The following TENM2 variants were observed in gnomAD, a reference collection of about 807,000 sequenced individuals.
TENM2 encodes the protein teneurin-2.
A neutral mutation model predicts 245.2 loss-of-function variants in TENM2; 52 were observed. That is an observed-to-expected ratio of 0.21 (90% CI 0.17 to 0.27). The LOEUF (loss-of-function observed/expected upper bound fraction) is 0.27, where lower values mean the gene tolerates loss of function less well. TENM2 is among the 10% of genes least tolerant of loss of function. TENM2 has a pLI of 1.00. For synonymous variants in TENM2, 1,363 were observed against 1,438.9 expected (o/e 0.95, Z 1.19); for missense variants, 3,046 against 3,666.8 (o/e 0.83, Z 4.37).
intron 10 of TENM2, among the ~76,000 whole-genome samples, chr5:168,121,827 T>G (rs899064570): frequency 1.3e-5 from 2 of 152,220 alleles, no homozygotes; most frequent in Admixed American, 6.5e-5. Flanking sequence ...GATATTTTTG[T>G]GTATATTTTG....
intron 2 of TENM2, among the ~76,000 whole-genome samples, chr5:167,583,149 A>G (rs1458166987): frequency 6.6e-6 from 1 of 152,182 alleles, no homozygotes; most frequent in Admixed American, 6.6e-5. Flanking sequence ...TTATGCAAGA[A>G]AAAACAGCAC....
chr5:167,588,279 A>G (rs1454864230), intron 2 of TENM2, among the ~76,000 whole-genome samples: 2 of 152,260 alleles, frequency 1.3e-5, no homozygotes, highest in African/African-American at 4.8e-5. Context: ...TATGGCTAAT[A>G]GGCTAAGCCT....
chr5:167,992,488 G>A (rs955506251), intron 4 of TENM2, among the ~76,000 whole-genome samples: 1 of 152,130 alleles, frequency 6.6e-6, no homozygotes, highest in Non-Finnish European at 1.5e-5. Flanking sequence ...TGTATGTATA[G>A]CACATTATCT....
chr5:167,986,249 T>C (rs931142125), intron 4 of TENM2, among the ~76,000 whole-genome samples: 5 of 152,198 alleles, frequency 3.3e-5, no homozygotes, highest in African/African-American at 1.2e-4. Context: ...TTTTATTAAA[T>C]GGTTTTGTTT....
At chr5:167,581,648 A>C (rs1230304087) in intron 2 of TENM2, among the ~76,000 whole-genome samples, 1 of 152,134 alleles carries the variant, frequency 6.6e-6, no homozygotes, top group Non-Finnish European at 1.5e-5. Flanking sequence ...ATCTTTATCT[A>C]TATCTATTTC....
At chr5:167,273,835 GA>G in the TENM2 span, among the ~76,000 whole-genome samples, 2 of 152,042 alleles carry the variant, frequency 1.3e-5, no homozygotes, top group African/African-American at 4.8e-5. Flanking sequence ...AATTGTAAAT[GA>G]CCTTCCAAAT....
At chr5:167,331,261 A>C (rs535431413) in intron 1 of TENM2, among the ~76,000 whole-genome samples, 2 of 151,520 alleles carry the variant, frequency 1.3e-5, no homozygotes, top group Non-Finnish European at 2.9e-5. Context: ...AAAGACAAGA[A>C]AAAAGAAAGA....
the TENM2 span, among the ~76,000 whole-genome samples, chr5:167,226,143 C>T: frequency 6.6e-6 from 1 of 151,804 alleles, no homozygotes; most frequent in Non-Finnish European, 1.5e-5. Context: ...TTTTTAGTCT[C>T]TATTTTGATT....
intron 2 of TENM2, among the ~76,000 whole-genome samples, chr5:167,823,077 T>C (rs1767667443): frequency 6.6e-6 from 1 of 152,178 alleles, no homozygotes; most frequent in Non-Finnish European, 1.5e-5. Context: ...TTGTACTGCA[T>C]CGCTTGCCAG....
chr5:167,150,549 A>C, the TENM2 span, among the ~76,000 whole-genome samples: 1 of 152,176 alleles, frequency 6.6e-6, no homozygotes, highest in Non-Finnish European at 1.5e-5. Flanking sequence ...AATAGCTAAC[A>C]CTCACATAGT....
At chr5:167,388,469 T>C (rs1367987182) in intron 2 of TENM2, among the ~76,000 whole-genome samples, 1 of 152,120 alleles carries the variant, frequency 6.6e-6, no homozygotes, top group Non-Finnish European at 1.5e-5. Context: ...TTTTGTTTCA[T>C]TTATCTTTTG....
At chr5:167,828,162 T>C (rs543946350) in intron 2 of TENM2, among the ~76,000 whole-genome samples, 1 of 152,300 alleles carries the variant, frequency 6.6e-6, no homozygotes, top group African/African-American at 2.4e-5. Flanking sequence ...ATCATCACCG[T>C]TTTACAGATG....
At chr5:167,853,303 A>AAAAAAAAAAAAAAAAAAAAAAG (rs1770770714) in intron 2 of TENM2, among the ~76,000 whole-genome samples, 1 of 141,298 alleles carries the variant, frequency 7.1e-6, no homozygotes, top group African/African-American at 2.6e-5. Flanking sequence ...AAAAAAAAAA[A>AAAAAAAAAAAAAAAAAAAAAAG]AAAAAAAAAG....
At chr5:167,518,963 A>G (rs537939442) in intron 2 of TENM2, among the ~76,000 whole-genome samples, 1 of 152,080 alleles carries the variant, frequency 6.6e-6, no homozygotes, top group African/African-American at 2.4e-5. Flanking sequence ...ATGACCTACT[A>G]TGGTGACTTA....
At chr5:168,155,892 T>TAAAAAAAAAAAAA (rs55977607) in intron 12 of TENM2, among the ~76,000 whole-genome samples, 6 of 96,936 alleles carry the variant, frequency 6.2e-5, no homozygotes, top group African/African-American at 2.2e-4. Flanking sequence ...CTGGCATCTG[T>TAAAAAAAAAAAAA]AAAAAAAAAA....
intron 2 of TENM2, among the ~76,000 whole-genome samples, chr5:167,841,376 C>G (rs535081823): frequency 5.8e-4 from 88 of 152,216 alleles, no homozygotes; most frequent in African/African-American, 1.9e-3. Context: ...ATTTTTGTAA[C>G]TTTAACATTT....
chr5:167,442,928 A>G (rs1287091196), intron 2 of TENM2, among the ~76,000 whole-genome samples: 2 of 152,154 alleles, frequency 1.3e-5, no homozygotes, highest in Admixed American at 6.6e-5. Context: ...CCCTGCTCCA[A>G]TTATTCAGAA....
chr5:168,262,842 T>C (rs1371837708), exon 29 of TENM2: 1 of 1,549,688 alleles, frequency 6.5e-7, no homozygotes, highest in Admixed American at 1.9e-5. Flanking sequence ...CTTGTCTGAA[T>C]GGCTCAGCAG....
At chr5:167,434,724 A>G (rs1042929209) in intron 2 of TENM2, among the ~76,000 whole-genome samples, 3 of 152,152 alleles carry the variant, frequency 2.0e-5, no homozygotes, top group African/African-American at 7.2e-5. Context: ...ATGACAGGAC[A>G]TTAAATTCAT....
Sources: allele counts gnomAD v4.1 joint callset (sites outside exome capture counted in the v4.1 genomes callset), GRCh38; gene constraint gnomAD v4.1.1; transcripts MANE v1.5; gene names NCBI Gene and HGNC (gene_info 2026-07-23, HGNC 2026-07-21).